CLASP2: variants seen among roughly 807,000 people sequenced by gnomAD.
CLASP2 encodes cytoplasmic linker associated protein 2.
CLASP2 carries 47 observed loss-of-function variants against 194.4 expected under a neutral mutation model. That is an observed-to-expected ratio of 0.24 (90% CI 0.19 to 0.31). The LOEUF (loss-of-function observed/expected upper bound fraction) is 0.31, where lower values mean the gene tolerates loss of function less well. CLASP2 is among the 10% of genes least tolerant of loss of function. The pLI, the probability that CLASP2 is intolerant of heterozygous loss-of-function variation, is 1.00. For missense variants in CLASP2, 1,445 were observed against 1,823.6 expected, an observed-to-expected ratio of 0.79 and a Z score of 3.78; for synonymous variants, 619 against 633.5, an observed-to-expected ratio of 0.98 and a Z score of 0.34.
chr3:33,627,950 G>C (rs1320713975), intron 9 of CLASP2, among the ~76,000 whole-genome samples: 2 of 152,034 alleles, frequency 1.3e-5, no homozygotes, highest in African/African-American at 4.8e-5. Context: ...AAAGTATAAA[G>C]GGACTAGGAG....
rs537846651 is a variant in CLASP2 at position 33,667,406 on chromosome 3, CAAA to C, written c.645-3894_645-3892del. Among the ~76,000 whole-genome samples the C allele has an allele frequency of 8.6e-3, 381 of 44,124 alleles. 8 individuals carry two copies. The highest frequency in any genetic ancestry group is 0.037 in the African/African-American group (347 of 9,292). The allele number at this position is 44,124 out of a possible 152,430, so 28.9% of individuals were successfully genotyped here. On this transcript the variant is annotated intron_variant, in intron 6 of 38. Coordinates refer to ENST00000682230, the MANE Select transcript of CLASP2 (RefSeq NM_001365631.1). ...CCTGGGTGACAGAGTGAGACTATCT[CAAA>C]AAAAAAAAAAAAAAAAAAAGACATT...
intron 21 of CLASP2, among the ~76,000 whole-genome samples, chr3:33,589,121 A>G (rs2068067406): frequency 6.6e-6 from 1 of 152,158 alleles, no homozygotes; most frequent in Admixed American, 6.5e-5. Context: ...ACAGCTGAAG[A>G]AAAATTACAT....
chr3:33,618,093 C>T (rs1310077859), intron 12 of CLASP2, among the ~76,000 whole-genome samples: 3 of 151,384 alleles, frequency 2.0e-5, no homozygotes, highest in Non-Finnish European at 2.9e-5. Flanking sequence ...GGATTACAGG[C>T]ATGCGCCACC....
chr3:33,587,710 G>A (rs572017052), intron 21 of CLASP2, among the ~76,000 whole-genome samples: 2 of 152,086 alleles, frequency 1.3e-5, no homozygotes, highest in Non-Finnish European at 2.9e-5. Context: ...ATTTCTTTCA[G>A]TTATAACCTT....
intron 8 of CLASP2, among the ~76,000 whole-genome samples, chr3:33,638,308 A>T (rs907745357): frequency 2.2e-4 from 33 of 151,808 alleles, no homozygotes; most frequent in African/African-American, 7.7e-4. Context: ...TTTTATTTTT[A>T]TTTATTTATT....
intron 3 of CLASP2, 117 bp downstream of exon 3, chr3:33,689,712 C>G: frequency 1.6e-6 from 1 of 628,272 alleles, no homozygotes; most frequent in Non-Finnish European, 2.6e-6. Flanking sequence ...ATATCAACTT[C>G]TTAACAGTAT....
rs1051970436 is a variant in CLASP2 at position 33,501,661 on chromosome 3, A to G, written c.4425T>C (p.Thr1475=). 3.7e-6 allele frequency: 6 copies of G among 1,607,008 alleles called. No homozygotes were observed. Among genetic ancestry groups the G allele is most frequent in the Non-Finnish European group, 5.1e-6 (6 of 1,173,614 alleles). The change falls in exon 38 of 39, where the codon ACT becomes ACC. Residue 1475 remains threonine, a synonymous_variant. Coordinates refer to ENST00000682230, the MANE Select transcript of CLASP2 (RefSeq NM_001365631.1). ...DELKPHLSQL[T]GSKMKLLNLY... The stretch of plus-strand genomic sequence containing the variant: ...CAGCAGCACTACTTACTTTACTGCC[A>G]GTAAGTTGACTGAGATGTGGTTTTA...
chr3:33,525,566 G>A (rs2054310820), intron 34 of CLASP2, among the ~76,000 whole-genome samples: 1 of 152,088 alleles, frequency 6.6e-6, no homozygotes, highest in Non-Finnish European at 1.5e-5. Context: ...TGACTCCAGG[G>A]ACCATGCTTC....
intron 1 of CLASP2, among the ~76,000 whole-genome samples, chr3:33,705,689 T>TA (rs2092645669): frequency 6.6e-6 from 1 of 152,052 alleles, no homozygotes; most frequent in African/African-American, 2.4e-5. Context: ...GATATACAAG[T>TA]AAAATTATGA....
At chr3:33,673,677 T>C (rs1327897236) in intron 6 of CLASP2, among the ~76,000 whole-genome samples, 1 of 152,170 alleles carries the variant, frequency 6.6e-6, no homozygotes, top group East Asian at 1.9e-4. Context: ...GACCCATCAG[T>C]GTGCTGTATT....
chr3:33,585,713 T>A, intron 21 of CLASP2, among the ~76,000 whole-genome samples: 1 of 152,188 alleles, frequency 6.6e-6, no homozygotes, highest in East Asian at 1.9e-4. Flanking sequence ...CGCAGTCTTT[T>A]GTTCCTCATC....
At position 33,584,859 on chromosome 3, in the gene CLASP2, G is replaced by A; in HGVS notation, c.2130C>T (p.Ser710=). 4 of 1,613,850 alleles carry A rather than the reference G, an allele frequency of 2.5e-6. No homozygotes were observed. Among genetic ancestry groups the A allele is most frequent in the Non-Finnish European group, 2.5e-6 (3 of 1,179,858 alleles). Residue 710 remains serine, a synonymous_variant, in exon 22 of 39, where the codon AGC becomes AGT. Coordinates refer to ENST00000682230, the MANE Select transcript of CLASP2 (RefSeq NM_001365631.1). ...VLTTTALSTV[S]SGVQRVLVNS... ...TGACCAGGACTCTTTGAACACCAGA[G>A]CTCACAGTGGACAGGGCTGTTGTGG...
intron 20 of CLASP2, among the ~76,000 whole-genome samples, chr3:33,593,073 T>C (rs989899285): frequency 2.0e-5 from 3 of 152,218 alleles, no homozygotes; most frequent in African/African-American, 7.2e-5. Context: ...AGGAAATACA[T>C]ATCACATAAG....
intron 1 of CLASP2, among the ~76,000 whole-genome samples, chr3:33,704,335 C>T (rs9839042): frequency 0.42 from 64,194 of 151,936 alleles, 15,682 homozygotes; most frequent in African/African-American, 0.67. Context: ...AGCAGGCGGA[C>T]ATATGAGAAA....
chr3:33,511,162 A>G (rs1202948053), intron 36 of CLASP2, among the ~76,000 whole-genome samples: 1 of 151,548 alleles, frequency 6.6e-6, no homozygotes, highest in Non-Finnish European at 1.5e-5. Context: ...CCTTCTGAGT[A>G]GTTGGAACTA....
intron 24 of CLASP2, among the ~76,000 whole-genome samples, chr3:33,575,435 G>A (rs1166216886): frequency 7.2e-5 from 11 of 151,978 alleles, no homozygotes; most frequent in Non-Finnish European, 1.5e-4. Flanking sequence ...CAAAGATGAG[G>A]CCTCTTACAA....
At chr3:33,615,330 A>G (rs2075925652) in intron 12 of CLASP2, among the ~76,000 whole-genome samples, 1 of 151,244 alleles carries the variant, frequency 6.6e-6, no homozygotes, top group African/African-American at 2.4e-5. Flanking sequence ...GGCAGAGAGG[A>G]GCATAACAAA....
chr3:33,633,725 G>C (rs962651248), intron 8 of CLASP2, among the ~76,000 whole-genome samples: 11 of 151,976 alleles, frequency 7.2e-5, no homozygotes, highest in African/African-American at 2.7e-4. Flanking sequence ...GTGGGGGGAT[G>C]AAACAATCTG....
At chr3:33,639,666 T>A (rs1377033792) in intron 8 of CLASP2, among the ~76,000 whole-genome samples, 1 of 152,168 alleles carries the variant, frequency 6.6e-6, no homozygotes, top group East Asian at 1.9e-4. Context: ...TATATGTTAT[T>A]TACTCAAATC....
Sources: gnomAD v4.1 joint callset for allele counts (sites outside exome capture counted in the v4.1 genomes callset) on GRCh38, gnomAD v4.1.1 for gene constraint, MANE v1.5 for transcripts, NCBI Gene and HGNC (gene_info 2026-07-23, HGNC 2026-07-21) for gene names.